PDZK1IP1: variants seen among roughly 807,000 people sequenced by gnomAD.
The protein encoded by PDZK1IP1 is PDZK1-interacting protein 1.
PDZK1IP1 carries 9 observed loss-of-function variants against 14.7 expected under a neutral mutation model. That is an observed-to-expected ratio of 0.61 (90% CI 0.37 to 1.07). PDZK1IP1 has a LOEUF of 1.07. Ranked by LOEUF, PDZK1IP1 falls within the 50% of genes least tolerant of loss-of-function variation. The probability of loss-of-function intolerance (pLI) is 0.01; values close to 1 mark genes in which losing one functional copy is unlikely to be tolerated. For synonymous variants in PDZK1IP1, 70 were observed against 61.2 expected, an observed-to-expected ratio of 1.14 and a Z score of -0.67; for missense variants, 152 against 148.7, an observed-to-expected ratio of 1.02 and a Z score of -0.11.
At chr1:47,187,210 G>C (rs1165866442) in intron 2 of PDZK1IP1, 109 bp downstream of exon 2, 4 of 751,074 alleles carry the variant, frequency 5.3e-6, no homozygotes, top group South Asian at 1.6e-5. Context: ...TTGAGCCTCA[G>C]GGGGAGGATT....
At chr1:47,187,198 C>CACA in intron 2 of PDZK1IP1, 121 bp downstream of exon 2, 1 of 727,124 alleles carries the variant, frequency 1.4e-6, no homozygotes, top group South Asian at 1.7e-5. Flanking sequence ...GTTTCCCTTC[C>CACA]CTTGAGCCTC....
intron 2 of PDZK1IP1, chr1:47,185,465 C>T: frequency 4.0e-6 from 1 of 252,258 alleles, no homozygotes; most frequent in South Asian, 5.5e-5. Context: ...TCAGGCAGAG[C>T]TGGGGCAGGT....
intron 2 of PDZK1IP1, chr1:47,185,385 A>T (rs1645313057): frequency 5.2e-6 from 2 of 386,618 alleles, no homozygotes; most frequent in Admixed American, 4.0e-5. Context: ...GCCCTGCAGG[A>T]TGCAGTGTCT....
At chr1:47,189,193 T>A (rs994111685) in intron 1 of PDZK1IP1, among the ~76,000 whole-genome samples, 2 of 152,192 alleles carry the variant, frequency 1.3e-5, no homozygotes, top group African/African-American at 2.4e-5. Flanking sequence ...CAGTCCCCTC[T>A]GGACCAAGTC....
intron 3 of PDZK1IP1, among the ~76,000 whole-genome samples, chr1:47,184,351 A>AT: frequency 1.5e-5 from 1 of 65,384 alleles, no homozygotes; most frequent in African/African-American, 6.6e-5. Flanking sequence ...ACTGAGCTCC[A>AT]TCCCCAACTG....
chr1:47,184,669 C>T (rs1645308339), intron 3 of PDZK1IP1, among the ~76,000 whole-genome samples: 1 of 138,962 alleles, frequency 7.2e-6, no homozygotes, highest in African/African-American at 2.7e-5. Flanking sequence ...GCTGCATCCT[C>T]TACTGAGCCT....
intron 3 of PDZK1IP1, 98 bp from the exon 4 acceptor site, chr1:47,184,141 G>T: frequency 1.1e-6 from 1 of 921,196 alleles, no homozygotes; most frequent in Non-Finnish European, 1.7e-6. Context: ...ATAGCTTCCA[G>T]AATAAACACT....
At chr1:47,185,911 C>G (rs1645316728) in intron 2 of PDZK1IP1, among the ~76,000 whole-genome samples, 1 of 152,114 alleles carries the variant, frequency 6.6e-6, no homozygotes, top group South Asian at 2.1e-4. Flanking sequence ...TCACCACTCT[C>G]CAGGCCTGCA....
chr1:47,184,381 A>C (rs3818303), intron 3 of PDZK1IP1, among the ~76,000 whole-genome samples: 10,131 of 12,418 alleles, frequency 0.82, 4,078 homozygotes, highest in African/African-American at 0.91. Flanking sequence ...CCACTGAACC[A>C]ATTCCCCCAT....
Position 47,185,016 on chromosome 1 carries a change from C to T in PDZK1IP1, c.258G>A (p.Met86Ile), listed in dbSNP as rs750950798. The change falls in exon 3 of 4, where the codon ATG (methionine) becomes ATA (isoleucine). Residue 86 changes from methionine to isoleucine, a missense_variant. By Grantham distance (10) the Met-to-Ile change is conservative. Coordinates refer to ENST00000294338, the MANE Select transcript of PDZK1IP1 (RefSeq NM_005764.4). Reference sequence around the variant, plus strand: ...CTGCACCTCACCTGAAACTGGCCGCCATCGAAGAGTACCTTCCATCTGTTC... The same window carrying T: ...CTGCACCTCACCTGAAACTGGCCGCTATCGAAGAGTACCTTCCATCTGTTC... Reference protein sequence around the residue: ...LVGTDGRYSSMAASFRSSEHE... With the variant: ...LVGTDGRYSSIAASFRSSEHE... The T allele has an allele frequency of 2.5e-6, 4 of 1,613,180 alleles. No homozygotes were observed. Among genetic ancestry groups the T allele is most frequent in the Admixed American group, 1.7e-5 (1 of 60,008 alleles).
At chr1:47,189,838 C>G in intron 1 of PDZK1IP1, 28 bp downstream of exon 1, 2 of 1,559,802 alleles carry the variant, frequency 1.3e-6, no homozygotes, top group Non-Finnish European at 1.7e-6. Context: ...CTGGGTCTCC[C>G]GTGCCCAGCC....
Position 47,189,861 on chromosome 1 carries a change from G to A in PDZK1IP1, c.67+5C>T, listed in dbSNP as rs375796624. 2 of 1,592,132 alleles carry A rather than the reference G, an allele frequency of 1.3e-6. No individual in the cohort carries two copies. The highest frequency in any genetic ancestry group is 2.7e-5 in the African/African-American group (2 of 74,692). ...CCCGTGCCCAGCCCTCTCCTCCTGA[G>A]CTACCTTGCTGACAGCTGGCAGGTG... On this transcript the variant is annotated splice_donor_5th_base_variant and intron_variant, in intron 1 of 3. Coordinates refer to ENST00000294338, the MANE Select transcript of PDZK1IP1 (RefSeq NM_005764.4).
intron 2 of PDZK1IP1, among the ~76,000 whole-genome samples, chr1:47,186,299 A>G (rs1256860055): frequency 6.8e-6 from 1 of 147,740 alleles, no homozygotes; most frequent in African/African-American, 2.5e-5. Flanking sequence ...CAAGAGCAAA[A>G]CTCCATCTCC....
chr1:47,189,782 G>T, intron 1 of PDZK1IP1, 84 bp downstream of exon 1: 2 of 1,018,106 alleles, frequency 2.0e-6, no homozygotes, highest in Non-Finnish European at 1.4e-6. Flanking sequence ...CAAACTGTAA[G>T]TATCAAGGCC....
In PDZK1IP1 at chr1:47,185,011, G is replaced by A. The variant is rs1349499744; in HGVS notation, c.263C>T (p.Ala88Val). The change falls in exon 3 of 4, where the codon GCC becomes GTC. Residue 88 changes from alanine (A) to valine (V), a missense_variant. By Grantham distance (64) the Ala-to-Val change is moderately conservative (BLOSUM62 0). Transcript: ENST00000294338. ...CTGCCCTGCACCTCACCTGAAACTG[G>A]CCGCCATCGAAGAGTACCTTCCATC... is the stretch of plus-strand genomic sequence containing the variant. Reference protein sequence around the residue: ...GTDGRYSSMAASFRSSEHENA... With the variant: ...GTDGRYSSMAVSFRSSEHENA... 3 of 1,612,836 alleles carry A rather than the reference G, an allele frequency of 1.9e-6. No individual in the cohort carries two copies. The South Asian group carries it at 3.3e-5, about 18-fold the overall frequency.
chr1:47,187,219 T>C (rs1645325175), intron 2 of PDZK1IP1, 100 bp downstream of exon 2: 1 of 800,156 alleles, frequency 1.2e-6, no homozygotes, highest in African/African-American at 1.7e-5. Flanking sequence ...AGGGGGAGGA[T>C]TGGACACAGG....
intron 1 of PDZK1IP1, among the ~76,000 whole-genome samples, chr1:47,187,980 C>A (rs1338809777): frequency 1.3e-5 from 2 of 152,080 alleles, no homozygotes; most frequent in Non-Finnish European, 2.9e-5. Flanking sequence ...ATCTGGGGTG[C>A]CTGGGGTACC....
rs1645310849 is a variant in PDZK1IP1, at chr1:47,185,084, T to G, written c.190A>C (p.Met64Leu). Residue 64 changes from methionine (M) to leucine (L), a missense_variant, in exon 3 of 4, where the codon ATG becomes CTG. Transcript: ENST00000294338. ...WCQEEPEPAHMILTVGNKADG... is the reference protein window; with the variant it reads ...WCQEEPEPAHLILTVGNKADG... ...GCCTTGTTTCCGACGGTCAGGATCA[T>G]GTGTGCAGGCTCCCTGGGGATGGGA... 1.2e-6 allele frequency: 2 copies of G among 1,613,030 alleles called. No homozygotes were observed. The highest frequency in any genetic ancestry group is 1.3e-5 in the African/African-American group (1 of 74,904).
chr1:47,185,562 A>G (rs997291528), intron 2 of PDZK1IP1, among the ~76,000 whole-genome samples: 4 of 152,108 alleles, frequency 2.6e-5, no homozygotes, highest in Non-Finnish European at 5.9e-5. Context: ...GCTCTCCCTG[A>G]AGCCTCCCAG....
Sources: allele counts gnomAD v4.1 joint callset (sites outside exome capture counted in the v4.1 genomes callset), GRCh38; gene constraint gnomAD v4.1.1; transcripts MANE v1.5; gene names NCBI Gene and HGNC (gene_info 2026-07-23, HGNC 2026-07-21).